Variants in AKAP13 observed in about 807,000 individuals in gnomAD.
AKAP13 encodes the protein A-kinase anchor protein 13.
A neutral mutation model predicts 264.5 loss-of-function variants in AKAP13; 80 were observed. The observed-to-expected ratio is 0.30, with a 90% confidence interval of 0.25 to 0.36. The LOEUF is 0.36. Ranked by LOEUF, AKAP13 falls within the 10% of genes least tolerant of loss-of-function variation. AKAP13 has a pLI of 1.00. For missense variants in AKAP13, 3,712 were observed against 3,435.2 expected (o/e 1.08, Z -2.01); for synonymous variants, 1,380 against 1,250.2 (o/e 1.10, Z -2.19).
Position 85,684,795 on chromosome 15 carries a change from T to C in AKAP13, c.5211T>C (p.Ser1737=), listed in dbSNP as rs764909061. Residue 1737 remains serine (S), a synonymous_variant, in exon 16 of 37, where the codon TCT becomes TCC. Coordinates refer to ENST00000394518, the MANE Select transcript of AKAP13 (RefSeq NM_007200.5). The part of the protein sequence containing the change: ...FLPHSPSKKD[S]EWKSGTKVSR... ...CACATAGCCCCTCCAAGAAAGATTCTGAATGGAAGAGTGGAACAAAAGTCA... is the reference window on the plus strand; with the variant it reads ...CACATAGCCCCTCCAAGAAAGATTCCGAATGGAAGAGTGGAACAAAAGTCA... 1.2e-6 allele frequency: 2 copies of C among 1,613,876 alleles called. No individual in the cohort carries two copies. The highest frequency in any genetic ancestry group is 2.2e-5 in the East Asian group (1 of 44,874).
At chr15:85,552,097 G>A (rs1300337200) in intron 5 of AKAP13, among the ~76,000 whole-genome samples, 1 of 152,172 alleles carries the variant, frequency 6.6e-6, no homozygotes. Flanking sequence ...ATGAAGTTAC[G>A]CGATACAAGA....
intron 12 of AKAP13, among the ~76,000 whole-genome samples, chr15:85,661,676 G>A (rs919282950): frequency 2.7e-5 from 4 of 149,590 alleles, no homozygotes; most frequent in South Asian, 2.1e-4. Flanking sequence ...AGCCAGGATC[G>A]CACCATTACT....
chr15:85,518,534 C>A (rs1274580016), intron 2 of AKAP13, among the ~76,000 whole-genome samples: 1 of 152,080 alleles, frequency 6.6e-6, no homozygotes, highest in Non-Finnish European at 1.5e-5. Flanking sequence ...ACAAACAAAA[C>A]AACAAAAAAA....
intron 2 of AKAP13, among the ~76,000 whole-genome samples, chr15:85,491,828 C>G (rs1287332155): frequency 2.6e-5 from 4 of 152,208 alleles, no homozygotes; most frequent in Admixed American, 2.0e-4. Context: ...AACAAGAGCT[C>G]ATGTTTGCAT....
intron 8 of AKAP13, among the ~76,000 whole-genome samples, chr15:85,607,605 T>G (rs991031132): frequency 1.3e-5 from 2 of 152,204 alleles, no homozygotes; most frequent in Non-Finnish European, 2.9e-5. Context: ...ATAGAGTCAC[T>G]AAGCTACTCA....
chr15:85,745,688 C>T lies in AKAP13; in HGVS notation c.*1011C>T, dbSNP rs1225504190. 6.6e-6 allele frequency: 1 copy of T among 152,222 alleles called. No homozygotes were observed. 9.4% of individuals were successfully genotyped at this position (152,222 alleles called of 1,614,324 possible). A position where few individuals can be genotyped will look rare whatever the true frequency, so the allele number is the denominator to read the frequency against. On this transcript the variant is annotated 3_prime_UTR_variant, in exon 37 of 37. Transcript: ENST00000394518. ...GCACACCACTGCCAGGGGTCAGCCT[C>T]GCACCCAGGCCAGGCAGAAGCTGTG... is the stretch of plus-strand genomic sequence containing the variant.
intron 6 of AKAP13, chr15:85,577,897 T>G: frequency 5.9e-6 from 5 of 850,478 alleles, no homozygotes; most frequent in Non-Finnish European, 7.1e-6. Context: ...ACAGGCACAT[T>G]GGCTGCACCT....
In AKAP13 at chr15:85,473,024, CA is replaced by C. The variant is rs1596288267; in HGVS notation, c.-11-12680del. ...TTAAAATTACTACACTTCAAAAATT[CA>C]AAAAATACACATAGGTGTTTCATAA... On this transcript the variant is annotated intron_variant, in intron 1 of 36. Transcript: ENST00000394518. 2.0e-5 allele frequency among the ~76,000 whole-genome samples: 3 copies of C among 152,052 alleles called. No individual in the cohort carries two copies. In the East Asian group the frequency reaches 5.8e-4, roughly 29 times the overall value.
intron 1 of AKAP13, among the ~76,000 whole-genome samples, chr15:85,423,332 A>G (rs1001315194): frequency 9.9e-5 from 15 of 152,132 alleles, no homozygotes; most frequent in African/African-American, 3.4e-4. Flanking sequence ...CTCCTCTCCA[A>G]CCCTGCTGCT....
At chr15:85,619,980 A>C in intron 8 of AKAP13, 1 of 1,482,632 alleles carries the variant, frequency 6.7e-7, no homozygotes, top group Non-Finnish European at 8.9e-7. Context: ...GAAGGCAGAG[A>C]TCTCCACCAC....
chr15:85,633,814 G>C (rs2151457632), intron 8 of AKAP13, among the ~76,000 whole-genome samples: 1 of 151,920 alleles, frequency 6.6e-6, no homozygotes, highest in African/African-American at 2.4e-5. Flanking sequence ...AAAGTGCTGG[G>C]ATTACAGGTA....
At position 85,722,002 on chromosome 15, in the gene AKAP13, G is replaced by T. The variant is rs2087323563; in HGVS notation, c.6264G>T (p.Glu2088Asp). The stretch of plus-strand genomic sequence containing the variant: ...TCTTTTCTCTGCAGTTTTCAGGTGA[G>T]AATGCAGAACGTTTAAAGAAGACAT... ...GDVLVNQFSG[E>D]NAERLKKTYG... The change falls in exon 24 of 37, where the codon GAG (glutamate) becomes GAT (aspartate). Residue 2088 changes from glutamate (E) to aspartate (D), a missense_variant. Transcript: ENST00000394518. 1 of 1,613,952 alleles carries T rather than the reference G, an allele frequency of 6.2e-7. No individual in the cohort carries two copies. The highest frequency in any genetic ancestry group is 8.5e-7 in the Non-Finnish European group (1 of 1,179,938).
chr15:85,442,485 TA>T (rs1163400457), intron 1 of AKAP13, among the ~76,000 whole-genome samples: 2 of 110,370 alleles, frequency 1.8e-5, no homozygotes, highest in East Asian at 4.7e-4. Context: ...TTATATAATA[TA>T]TATAATATAT....
chr15:85,704,249 C>T (rs752043496), intron 17 of AKAP13, among the ~76,000 whole-genome samples: 11 of 152,202 alleles, frequency 7.2e-5, no homozygotes, highest in Non-Finnish European at 1.5e-4. Flanking sequence ...TATGACTCAG[C>T]TCCCAAAGGT....
At chr15:85,704,243 A>T (rs1317655911) in intron 17 of AKAP13, among the ~76,000 whole-genome samples, 1 of 152,048 alleles carries the variant, frequency 6.6e-6, no homozygotes, top group Non-Finnish European at 1.5e-5. Context: ...GCTGCATATG[A>T]CTCAGCTCCC....
At chr15:85,583,150 C>T (rs1034170808) in intron 7 of AKAP13, 1 of 985,308 alleles carries the variant, frequency 1.0e-6, no homozygotes, top group Non-Finnish European at 1.2e-6. Context: ...CATGCTTGCC[C>T]CTAGGCTTTT....
chr15:85,610,439 G>A lies in AKAP13; in HGVS notation c.4161+24616G>A, dbSNP rs1056662341. 2.0e-5 allele frequency among the ~76,000 whole-genome samples: 3 copies of A among 152,182 alleles called. No homozygotes were observed. In the South Asian group the frequency reaches 6.2e-4, roughly 32 times the overall value. ...GTGTTCTATTTTGGTTTCTATGGCA[G>A]GATCTCTTTGACACAATCAAAAGTA... is the stretch of plus-strand genomic sequence containing the variant. On this transcript the variant is annotated intron_variant, in intron 8 of 36. Coordinates refer to ENST00000394518, the MANE Select transcript of AKAP13 (RefSeq NM_007200.5).
chr15:85,655,522 T>G lies in AKAP13; in HGVS notation c.4480T>G (p.Ser1494Ala). The change falls in exon 11 of 37, where the codon TCC becomes GCC. Residue 1494 changes from serine (S) to alanine (A), a missense_variant. This residue lies in a region of AKAP13 where 2,759 missense variants were observed against 2,411.7 expected (regional missense o/e 1.14). Transcript: ENST00000394518. ...TTCTCATGGCAGTGATGTGTCTCTC[T>G]CCCAGATTTTAAAGCCAAACAGGTC... ...HSSHGSDVSL[S>A]QILKPNRSRD... The G allele has an allele frequency of 6.2e-7, 1 of 1,614,202 alleles. No homozygotes were observed. Among genetic ancestry groups the G allele is most frequent in the South Asian group, 1.1e-5 (1 of 91,084 alleles).
chr15:85,601,118 G>T (rs921728689), intron 8 of AKAP13, among the ~76,000 whole-genome samples: 1 of 152,136 alleles, frequency 6.6e-6, no homozygotes, highest in Non-Finnish European at 1.5e-5. Context: ...TTACTATTAT[G>T]TATTAAAATG....
Sources: gnomAD v4.1 joint callset for allele counts (sites outside exome capture counted in the v4.1 genomes callset) on GRCh38, gnomAD v4.1.1 for gene constraint, gnomAD v4.1.1 regional missense constraint, MANE v1.5 for transcripts, NCBI Gene and HGNC (gene_info 2026-07-23, HGNC 2026-07-21) for gene names.